The following SPAG17 variants were observed in gnomAD, a reference collection of about 807,000 sequenced individuals.
SPAG17 encodes the protein sperm associated antigen 17.
Under a neutral mutation model 273.6 loss-of-function variants are expected in SPAG17, and 169 were observed. The ratio of observed to expected loss-of-function variants is 0.62; its 90% CI spans 0.55 to 0.70. The LOEUF (loss-of-function observed/expected upper bound fraction) is 0.70, where lower values mean the gene tolerates loss of function less well. Among genes scored for constraint, SPAG17 ranks in the 30% least tolerant of loss-of-function variants. SPAG17 has a pLI of 0.00. For synonymous variants in SPAG17, 825 were observed against 873.2 expected, an observed-to-expected ratio of 0.94 and a Z score of 0.97; for missense variants, 2,557 against 2,627.8, an observed-to-expected ratio of 0.97 and a Z score of 0.59.
At chr1:118,156,092 T>G (rs1161240836) in intron 1 of SPAG17, among the ~76,000 whole-genome samples, 1 of 152,222 alleles carries the variant, frequency 6.6e-6, no homozygotes, top group African/African-American at 2.4e-5. Context: ...AACAAGTAGT[T>G]ATTATGATAG....
At chr1:118,088,223 TC>T (rs1655135701) in intron 10 of SPAG17, among the ~76,000 whole-genome samples, 1 of 152,186 alleles carries the variant, frequency 6.6e-6, no homozygotes, top group Non-Finnish European at 1.5e-5. Flanking sequence ...TTCAGTTTTT[TC>T]ATCCCCTTAT....
chr1:118,136,445 T>G (rs1658361582), intron 3 of SPAG17, among the ~76,000 whole-genome samples: 1 of 152,190 alleles, frequency 6.6e-6, no homozygotes, highest in South Asian at 2.1e-4. Context: ...ACTGAAAGGA[T>G]AACGAATATA....
chr1:118,127,766 T>C (rs1657819716), intron 3 of SPAG17, among the ~76,000 whole-genome samples: 1 of 152,196 alleles, frequency 6.6e-6, no homozygotes, highest in Non-Finnish European at 1.5e-5. Flanking sequence ...GTGTGTCTTC[T>C]ACAGTTCCTT....
chr1:118,059,774 A>G (rs1652087490), intron 18 of SPAG17, among the ~76,000 whole-genome samples: 1 of 151,992 alleles, frequency 6.6e-6, no homozygotes, highest in South Asian at 2.1e-4. Flanking sequence ...TCTTTTAGTT[A>G]TTATTTGCAT....
At chr1:118,006,919 C>T (rs1658956859) in intron 31 of SPAG17, among the ~76,000 whole-genome samples, 1 of 152,182 alleles carries the variant, frequency 6.6e-6, no homozygotes. Flanking sequence ...TGGAGAAATT[C>T]AAATCCTTTG....
chr1:118,183,676 C>A (rs1399211738), intron 1 of SPAG17, among the ~76,000 whole-genome samples: 3 of 152,092 alleles, frequency 2.0e-5, no homozygotes, highest in Non-Finnish European at 4.4e-5. Context: ...GTTTTCCATT[C>A]AACTAGGAAA....
At chr1:118,120,093 C>T (rs1027192694) in intron 3 of SPAG17, among the ~76,000 whole-genome samples, 1 of 152,074 alleles carries the variant, frequency 6.6e-6, no homozygotes, top group Non-Finnish European at 1.5e-5. Flanking sequence ...TTTGTTCCCA[C>T]CAAAACTGTA....
intron 32 of SPAG17, 33 bp from the exon 33 acceptor site, chr1:117,996,776 AAAG>A: frequency 6.4e-7 from 1 of 1,562,990 alleles, no homozygotes; most frequent in Non-Finnish European, 8.6e-7. Flanking sequence ...AACTAAAAGA[AAAG>A]AAAGTCATAA....
rs545002803 is a variant in SPAG17 at position 118,051,981 on chromosome 1, T to C, written c.2814+2021A>G. ...ATTACATTATGTACATACTACATTA[T>C]GTATTATGTATGTATATATACACAA... is the stretch of plus-strand genomic sequence containing the variant. On this transcript the variant is annotated intron_variant, in intron 20 of 48. Coordinates refer to ENST00000336338, the MANE Select transcript of SPAG17 (RefSeq NM_206996.4). Among the ~76,000 whole-genome samples, 32 of 138,362 alleles carry C rather than the reference T, an allele frequency of 2.3e-4. 5 individuals are homozygous for C. The South Asian group carries it at 7.4e-3, about 32-fold the overall frequency. 90.8% of individuals were successfully genotyped at this position (138,362 alleles called of 152,430 possible).
chr1:118,007,535 T>A (rs1419825207), intron 31 of SPAG17, among the ~76,000 whole-genome samples: 1 of 152,190 alleles, frequency 6.6e-6, no homozygotes, highest in Non-Finnish European at 1.5e-5. Context: ...CTGCTCCTCC[T>A]TGGCCTTCCA....
intron 3 of SPAG17, among the ~76,000 whole-genome samples, chr1:118,121,798 T>C (rs1321233442): frequency 6.6e-6 from 1 of 152,236 alleles, no homozygotes; most frequent in African/African-American, 2.4e-5. Context: ...TATTAAAATA[T>C]ACTCAATATC....
At chr1:118,180,333 T>C (rs935022042) in intron 1 of SPAG17, among the ~76,000 whole-genome samples, 1 of 151,938 alleles carries the variant, frequency 6.6e-6, no homozygotes, top group East Asian at 1.9e-4. Context: ...TTATGTTAAG[T>C]GAAATAAGGG....
chr1:118,122,095 A>G (rs1332654219), intron 3 of SPAG17, among the ~76,000 whole-genome samples: 1 of 151,886 alleles, frequency 6.6e-6, no homozygotes, highest in African/African-American at 2.4e-5. Context: ...ATCTTGTTAT[A>G]TTTGCTTATA....
intron 18 of SPAG17, among the ~76,000 whole-genome samples, chr1:118,064,642 C>G (rs1032376480): frequency 6.8e-6 from 1 of 147,738 alleles, no homozygotes; most frequent in Admixed American, 6.7e-5. Flanking sequence ...TGCTAAATGA[C>G]GAGTTAATGG....
At chr1:118,132,897 G>C (rs1658133517) in intron 3 of SPAG17, among the ~76,000 whole-genome samples, 1 of 152,130 alleles carries the variant, frequency 6.6e-6, no homozygotes, top group Admixed American at 6.5e-5. Context: ...TCAGCCTCCT[G>C]AGTAGCTGGG....
At chr1:117,994,611 C>A in intron 34 of SPAG17, 81 bp from the exon 35 acceptor site, 1 of 1,439,378 alleles carries the variant, frequency 6.9e-7, no homozygotes, top group Non-Finnish European at 9.4e-7. Flanking sequence ...CTAAATTCAA[C>A]AAGCTCTTTT....
chr1:118,167,615 A>T (rs1327806886), intron 1 of SPAG17, among the ~76,000 whole-genome samples: 3 of 152,236 alleles, frequency 2.0e-5, no homozygotes, highest in Non-Finnish European at 2.9e-5. Flanking sequence ...AATAAAAGTA[A>T]AACTAAACAT....
intron 3 of SPAG17, among the ~76,000 whole-genome samples, chr1:118,133,938 AAC>A (rs1658198851): frequency 6.6e-6 from 1 of 152,214 alleles, no homozygotes; most frequent in Non-Finnish European, 1.5e-5. Context: ...ATACTCACAA[AAC>A]ACAGCCAATC....
intron 45 of SPAG17, chr1:117,971,656 A>G (rs1311414411): frequency 1.2e-5 from 5 of 412,258 alleles, no homozygotes; most frequent in Non-Finnish European, 2.1e-5. Context: ...GGAAGTATCT[A>G]CCATATAATT....
Sources: allele counts gnomAD v4.1 joint callset (sites outside exome capture counted in the v4.1 genomes callset), GRCh38; gene constraint gnomAD v4.1.1; transcripts MANE v1.5; gene names NCBI Gene and HGNC (gene_info 2026-07-23, HGNC 2026-07-21).